Variants in DLGAP2 observed in about 807,000 individuals in gnomAD.
DLGAP2 encodes disks large-associated protein 2.
In DLGAP2, 26 loss-of-function variants were observed where a neutral mutation model predicts 100.3. The ratio of observed to expected loss-of-function variants is 0.26; its 90% confidence interval spans 0.19 to 0.36. The LOEUF is 0.36. Among genes scored for constraint, DLGAP2 ranks in the 10% least tolerant of loss-of-function variants. DLGAP2 has a pLI of 1.00. For missense variants in DLGAP2, 1,858 were observed against 1,453.2 expected, an observed-to-expected ratio of 1.28 and a Z score of -4.53; for synonymous variants, 886 against 630.1, an observed-to-expected ratio of 1.41 and a Z score of -6.08.
chr8:1,427,329 A>G (rs917264391), intron 3 of DLGAP2, among the ~76,000 whole-genome samples: 2 of 152,244 alleles, frequency 1.3e-5, no homozygotes, highest in African/African-American at 4.8e-5. Context: ...ATAAATATGT[A>G]TTACCAAGTG....
intron 2 of DLGAP2, among the ~76,000 whole-genome samples, chr8:1,095,032 AG>A (rs2129042341): frequency 6.6e-6 from 1 of 152,212 alleles, no homozygotes; most frequent in Admixed American, 6.5e-5. Flanking sequence ...GGAGCAAGAC[AG>A]CCTGGTGCAA....
chr8:1,417,651 C>CA lies in DLGAP2; in HGVS notation c.107-83715_107-83714insA, dbSNP rs1796948881. On this transcript the variant is annotated intron_variant, in intron 3 of 14. Coordinates refer to ENST00000637795, the MANE Select transcript of DLGAP2 (RefSeq NM_001346810.2). ...CGCCTCCAGGGGGGCACGGGGAGCCCCACTCCTGCCTCACTCCGCGAGGCT... is the reference window on the plus strand; with the variant it reads ...CGCCTCCAGGGGGGCACGGGGAGCCCACACTCCTGCCTCACTCCGCGAGGCT... Among the ~76,000 whole-genome samples the CA allele has an allele frequency of 3.2e-5, 2 of 62,780 alleles. 1 individual carries two copies. Among genetic ancestry groups the CA allele is most frequent in the Non-Finnish European group, 7.2e-5 (2 of 27,870 alleles). The allele number at this position is 62,780 out of a possible 152,430, so 41.2% of individuals were successfully genotyped here.
intron 1 of DLGAP2, among the ~76,000 whole-genome samples, chr8:772,028 G>A (rs530437492): frequency 3.4e-4 from 51 of 151,936 alleles, no homozygotes; most frequent in Admixed American, 3.2e-3. Context: ...TCAGCCTCTC[G>A]AGTAGCTGGG....
chr8:1,317,456 G>C (rs1438628742), intron 3 of DLGAP2, among the ~76,000 whole-genome samples: 167 of 114,612 alleles, frequency 1.5e-3, no homozygotes, highest in South Asian at 4.1e-3. Flanking sequence ...AAAAATAGAG[G>C]CTGTGCGAGT....
intron 1 of DLGAP2, among the ~76,000 whole-genome samples, chr8:747,427 T>C (rs945652908): frequency 2.0e-5 from 3 of 151,164 alleles, no homozygotes; most frequent in Non-Finnish European, 4.4e-5. Flanking sequence ...GGTCCCAAGT[T>C]CCAGAAACAA....
chr8:1,556,592 G>T (rs1203839945), intron 5 of DLGAP2, among the ~76,000 whole-genome samples: 1 of 152,210 alleles, frequency 6.6e-6, no homozygotes, highest in Non-Finnish European at 1.5e-5. Flanking sequence ...TGGAAGGGCT[G>T]ACCCAACCCA....
At chr8:1,212,005 T>A (rs1351975025) in intron 2 of DLGAP2, among the ~76,000 whole-genome samples, 1 of 152,220 alleles carries the variant, frequency 6.6e-6, no homozygotes, top group Non-Finnish European at 1.5e-5. Flanking sequence ...GGCTCTTGGT[T>A]CTTGGTCCTT....
At chr8:1,579,730 C>G (rs1408080598) in intron 6 of DLGAP2, among the ~76,000 whole-genome samples, 1 of 152,166 alleles carries the variant, frequency 6.6e-6, no homozygotes. Context: ...TAGAGAAATT[C>G]CTGAGAAGCA....
chr8:1,298,567 C>G (rs188211939), intron 3 of DLGAP2, among the ~76,000 whole-genome samples: 1 of 152,042 alleles, frequency 6.6e-6, no homozygotes, highest in Non-Finnish European at 1.5e-5. Context: ...GCGTGGGGGA[C>G]GGCTCAGTAG....
chr8:1,168,343 C>T (rs1018305690), intron 2 of DLGAP2, among the ~76,000 whole-genome samples: 55 of 151,974 alleles, frequency 3.6e-4, no homozygotes, highest in African/African-American at 1.3e-3. Flanking sequence ...AATAAACATA[C>T]GTGTGCATGT....
At chr8:1,012,843 C>T (rs1244932172) in intron 2 of DLGAP2, among the ~76,000 whole-genome samples, 4 of 151,816 alleles carry the variant, frequency 2.6e-5, no homozygotes, top group African/African-American at 9.7e-5. Context: ...CCGCCTCCAC[C>T]CATCACGATA....
At chr8:1,457,526 A>T (rs1374630649) in intron 3 of DLGAP2, among the ~76,000 whole-genome samples, 9 of 152,262 alleles carry the variant, frequency 5.9e-5, no homozygotes. Flanking sequence ...TAATAGGACA[A>T]GCTGATGGCA....
intron 2 of DLGAP2, among the ~76,000 whole-genome samples, chr8:1,216,670 C>A (rs751803866): frequency 1.3e-5 from 2 of 152,056 alleles, no homozygotes; most frequent in Admixed American, 1.3e-4. Context: ...AAGTATTTAT[C>A]TAGTTTTTGC....
At chr8:984,433 G>A (rs985281008) in intron 2 of DLGAP2, among the ~76,000 whole-genome samples, 1 of 152,212 alleles carries the variant, frequency 6.6e-6, no homozygotes, top group Non-Finnish European at 1.5e-5. Flanking sequence ...CCAGGAGCTG[G>A]TAGCTCTCAG....
chr8:1,011,530 A>G (rs191000333), intron 2 of DLGAP2, among the ~76,000 whole-genome samples: 1 of 146,774 alleles, frequency 6.8e-6, no homozygotes, highest in African/African-American at 2.6e-5. Flanking sequence ...GAGCCCTGGA[A>G]TGAGGAGTCT....
At chr8:740,885 G>T (rs1157604361) in intron 1 of DLGAP2, among the ~76,000 whole-genome samples, 18 of 152,214 alleles carry the variant, frequency 1.2e-4, no homozygotes, top group East Asian at 3.9e-4. Flanking sequence ...ATGCTCCATG[G>T]TCATTCATTG....
At chr8:1,316,812 CG>C (rs1800764349) in intron 3 of DLGAP2, among the ~76,000 whole-genome samples, 4 of 143,406 alleles carry the variant, frequency 2.8e-5, no homozygotes, top group Non-Finnish European at 4.5e-5. Flanking sequence ...AACTCGGTAG[CG>C]TTTAAAAATA....
intron 2 of DLGAP2, among the ~76,000 whole-genome samples, chr8:1,050,115 T>G (rs1802636122): frequency 6.6e-6 from 1 of 152,256 alleles, no homozygotes; most frequent in African/African-American, 2.4e-5. Flanking sequence ...TTCACGGATA[T>G]GCAGGCAGTC....
intron 2 of DLGAP2, among the ~76,000 whole-genome samples, chr8:1,055,787 C>A (rs1265569079): frequency 6.6e-6 from 1 of 152,208 alleles, no homozygotes; most frequent in Admixed American, 6.5e-5. Flanking sequence ...CTGAGGAGGC[C>A]TCGCCAGCAG....
Sources: gnomAD v4.1 joint callset for allele counts (sites outside exome capture counted in the v4.1 genomes callset) on GRCh38, gnomAD v4.1.1 for gene constraint, MANE v1.5 for transcripts, NCBI Gene and HGNC (gene_info 2026-07-23, HGNC 2026-07-21) for gene names.